Variants in CHN2 observed in about 807,000 individuals in gnomAD.
CHN2 encodes the protein beta-chimaerin.
A neutral mutation model predicts 56.3 loss-of-function variants in CHN2; 35 were observed. That is an observed-to-expected ratio of 0.62 (90% CI 0.47 to 0.82). The LOEUF (loss-of-function observed/expected upper bound fraction) is 0.82, where lower values mean the gene tolerates loss of function less well. Among genes scored for constraint, CHN2 ranks in the 40% least tolerant of loss-of-function variants. CHN2 has a pLI of 0.00. For missense variants in CHN2, 491 were observed against 580.5 expected (o/e 0.85, Z 1.58); for synonymous variants, 210 against 212.8 (o/e 0.99, Z 0.12).
chr7:29,396,611 CTG>C (rs1801768550), intron 4 of CHN2: 1 of 152,332 alleles, frequency 6.6e-6, no homozygotes, highest in Non-Finnish European at 1.5e-5. Context: ...GGCCCACGGG[CTG>C]TGTCTTCGAC....
At chr7:29,258,585 C>T (rs1451746818) in intron 1 of CHN2, among the ~76,000 whole-genome samples, 1 of 152,182 alleles carries the variant, frequency 6.6e-6, no homozygotes, top group Non-Finnish European at 1.5e-5. Context: ...CACTTGCTAT[C>T]TGTACTACTA....
chr7:29,361,273 TGC>T (rs1303417697), intron 2 of CHN2, among the ~76,000 whole-genome samples: 21 of 152,230 alleles, frequency 1.4e-4, no homozygotes, highest in Non-Finnish European at 4.4e-5. Flanking sequence ...TTTTCATGGA[TGC>T]TATAGCTAAC....
intron 6 of CHN2, among the ~76,000 whole-genome samples, chr7:29,418,192 G>A (rs1440614548): frequency 6.6e-6 from 1 of 152,244 alleles, no homozygotes; most frequent in Non-Finnish European, 1.5e-5. Flanking sequence ...ACGTTCGTAT[G>A]TTTCATGCAT....
At chr7:29,277,789 A>G (rs916122262) in intron 1 of CHN2, among the ~76,000 whole-genome samples, 16 of 152,158 alleles carry the variant, frequency 1.1e-4, no homozygotes, top group Admixed American at 6.5e-5. Context: ...GCTCTAAACC[A>G]TGATGGCATC....
chr7:29,405,374 A>C (rs1802571496), intron 6 of CHN2, among the ~76,000 whole-genome samples: 1 of 152,142 alleles, frequency 6.6e-6, no homozygotes, highest in Non-Finnish European at 1.5e-5. Flanking sequence ...TAATGATAGC[A>C]CAGGGCGCAC....
chr7:29,487,954 T>A (rs986084171), intron 7 of CHN2, among the ~76,000 whole-genome samples: 1 of 152,242 alleles, frequency 6.6e-6, no homozygotes, highest in African/African-American at 2.4e-5. Context: ...GGTGTCGATG[T>A]GCTCATAAAC....
At chr7:29,359,474 C>G (rs80221888) in intron 2 of CHN2, among the ~76,000 whole-genome samples, 2 of 152,082 alleles carry the variant, frequency 1.3e-5, no homozygotes, top group Admixed American at 1.3e-4. Flanking sequence ...TGGATAAGGT[C>G]GGCTGTTGAC....
intron 1 of CHN2, among the ~76,000 whole-genome samples, chr7:29,205,475 GAAA>G (rs544862131): frequency 2.5e-3 from 385 of 152,230 alleles, no homozygotes; most frequent in Non-Finnish European, 4.4e-3. Context: ...GAATGGCTGT[GAAA>G]AAACTTGAAA....
rs889921035 is a variant in CHN2 at position 29,354,767 on chromosome 7, G to A, written c.88+104G>A. On this transcript the variant is annotated intron_variant, in intron 2 of 12. Coordinates refer to ENST00000222792, the MANE Select transcript of CHN2 (RefSeq NM_004067.4). ...TGCACACAAGCGTTCCCACCTCACA[G>A]CACTGAAAACCCAAATCTTTCTTTC... 4 of 1,019,938 alleles carry A rather than the reference G, an allele frequency of 3.9e-6. No individual in the cohort carries two copies. The African/African-American group carries it at 4.9e-5, about 12-fold the overall frequency. 63.2% of individuals were successfully genotyped at this position (1,019,938 alleles called of 1,614,324 possible).
At chr7:29,213,149 T>A in intron 1 of CHN2, 2 of 1,511,974 alleles carry the variant, frequency 1.3e-6, no homozygotes, top group Admixed American at 3.3e-5. Context: ...CTAGGTATTT[T>A]AGTACTCCAC....
intron 10 of CHN2, among the ~76,000 whole-genome samples, chr7:29,507,025 C>T (rs952498572): frequency 6.6e-6 from 1 of 152,176 alleles, no homozygotes; most frequent in Admixed American, 6.5e-5. Context: ...ACCCGTTTGC[C>T]TGCACAAACC....
intron 2 of CHN2, among the ~76,000 whole-genome samples, chr7:29,360,006 C>T (rs1011989296): frequency 1.3e-5 from 2 of 152,168 alleles, no homozygotes; most frequent in African/African-American, 4.8e-5. Flanking sequence ...CTGCAGAATC[C>T]CTGCATCAGA....
chr7:29,242,884 CTT>C (rs893700373), intron 1 of CHN2, among the ~76,000 whole-genome samples: 2 of 142,864 alleles, frequency 1.4e-5, no homozygotes, highest in Non-Finnish European at 1.5e-5. Context: ...TTCATGACAA[CTT>C]TTTTTTTTTC....
At chr7:29,347,975 C>T (rs1797590395) in intron 1 of CHN2, among the ~76,000 whole-genome samples, 1 of 152,210 alleles carries the variant, frequency 6.6e-6, no homozygotes, top group Non-Finnish European at 1.5e-5. Flanking sequence ...TGGAAGGATT[C>T]ACACAAATCT....
chr7:29,409,897 A>G (rs992461035), intron 6 of CHN2, among the ~76,000 whole-genome samples: 2 of 152,168 alleles, frequency 1.3e-5, no homozygotes, highest in Admixed American at 1.3e-4. Context: ...CACTTTTATC[A>G]CCTTTGACTG....
chr7:29,208,606 A>G (rs1177904972), intron 1 of CHN2, among the ~76,000 whole-genome samples: 2 of 152,030 alleles, frequency 1.3e-5, no homozygotes, highest in Non-Finnish European at 2.9e-5. Context: ...CTGCTTTCTA[A>G]TGTCACGGGC....
intron 2 of CHN2, among the ~76,000 whole-genome samples, chr7:29,167,760 A>G (rs1796096474): frequency 6.6e-6 from 1 of 152,204 alleles, no homozygotes; most frequent in Non-Finnish European, 1.5e-5. Flanking sequence ...AAACATTTCC[A>G]GTTTTCTCTG....
In CHN2 at chr7:29,512,788, T is replaced by TAAAGGAATA; in HGVS notation, c.*57_*65dup. On this transcript the variant is annotated 3_prime_UTR_variant, in exon 13 of 13. Transcript: ENST00000222792. ...CCAGCACCATCCAAGTTGACACAGC[T>TAAAGGAATA]AAAGGAATAAAAACATTTCTTACCA... is the stretch of plus-strand genomic sequence containing the variant. 1 of 1,547,516 alleles carries TAAAGGAATA rather than the reference T, an allele frequency of 6.5e-7. No individual in the cohort carries two copies. The highest frequency in any genetic ancestry group is 1.4e-5 in the African/African-American group (1 of 72,284).
At chr7:29,263,877 C>T (rs1789827273) in intron 1 of CHN2, among the ~76,000 whole-genome samples, 1 of 150,212 alleles carries the variant, frequency 6.7e-6, no homozygotes, top group Non-Finnish European at 1.5e-5. Context: ...GCAGCCGCCC[C>T]ATCTGGGAAG....
Sources: allele counts gnomAD v4.1 joint callset (sites outside exome capture counted in the v4.1 genomes callset), GRCh38; gene constraint gnomAD v4.1.1; transcripts MANE v1.5; gene names NCBI Gene and HGNC (gene_info 2026-07-23, HGNC 2026-07-21).